Variants in FYB1 observed in about 807,000 individuals in gnomAD.
The protein encoded by FYB1 is FYN-binding protein 1.
In FYB1, 41 loss-of-function variants were observed where a neutral mutation model predicts 94.1. The observed-to-expected ratio is 0.44, with a 90% CI of 0.34 to 0.57. The LOEUF (loss-of-function observed/expected upper bound fraction) is 0.57, where lower values mean the gene tolerates loss of function less well. FYB1 is among the 20% of genes least tolerant of loss of function. The pLI, the probability that FYB1 is intolerant of heterozygous loss-of-function variation, is 0.02. For missense variants in FYB1, 1,050 were observed against 976.8 expected (o/e 1.07, Z -1.00); for synonymous variants, 367 against 353.2 (o/e 1.04, Z -0.44).
At position 39,202,140 on chromosome 5, in the gene FYB1, C is replaced by A. The variant is rs1185282832; in HGVS notation, c.821G>T (p.Gly274Val). The A allele has an allele frequency of 6.2e-7, 1 of 1,613,976 alleles. No individual in the cohort carries two copies. The highest frequency in any genetic ancestry group is 1.1e-5 in the South Asian group (1 of 91,086). The change falls in exon 2 of 19, where the codon GGT (glycine) becomes GTT (valine). Residue 274 changes from glycine to valine, a missense_variant. By Grantham distance (109) the Gly-to-Val change is moderately radical. Transcript: ENST00000512982. The part of the protein sequence containing the change: ...LKPAASRGGP[G>V]LSKNGEEKKE... Reference sequence around the variant, plus strand: ...TTTTTCTTCACCATTTTTGGAGAGACCTGGGCCTCCCCTGCTCGCAGCAGG... The same window carrying A: ...TTTTTCTTCACCATTTTTGGAGAGAACTGGGCCTCCCCTGCTCGCAGCAGG...
intron 13 of FYB1, among the ~76,000 whole-genome samples, chr5:39,123,173 GT>G (rs1322160205): frequency 1.3e-5 from 2 of 152,160 alleles, no homozygotes; most frequent in African/African-American, 4.8e-5. Flanking sequence ...ATTTTAAGGA[GT>G]TATTACCATA....
chr5:39,137,862 C>T, intron 6 of FYB1, 142 bp from the exon 7 acceptor site: 2 of 1,058,982 alleles, frequency 1.9e-6, no homozygotes, highest in Non-Finnish European at 2.7e-6. Context: ...TTGTCAAAAT[C>T]CGGAATGTGT....
intron 2 of FYB1, among the ~76,000 whole-genome samples, chr5:39,176,137 G>GTTTTTTTTTTTTTTT (rs70982547): frequency 1.6e-5 from 1 of 61,640 alleles, no homozygotes; most frequent in Non-Finnish European, 3.3e-5. Context: ...TTTTTTTTCT[G>GTTTTTTTTTTTTTTT]TTTTTTTTTT....
intron 2 of FYB1, among the ~76,000 whole-genome samples, chr5:39,194,559 G>A (rs1206051190): frequency 6.6e-6 from 1 of 151,450 alleles, no homozygotes; most frequent in Non-Finnish European, 1.5e-5. Flanking sequence ...AGGAAGGAAG[G>A]AAGGAAAGAA....
chr5:39,263,865 C>T (rs1198770462), intron 1 of FYB1, among the ~76,000 whole-genome samples: 2 of 152,114 alleles, frequency 1.3e-5, no homozygotes, highest in Admixed American at 1.3e-4. Context: ...GTAGCCCTAC[C>T]CTCAAAATAT....
intron 2 of FYB1, among the ~76,000 whole-genome samples, chr5:39,196,442 G>A (rs696739): frequency 0.035 from 5,396 of 152,142 alleles, 318 homozygotes; most frequent in African/African-American, 0.12. Flanking sequence ...TGTTCAGCCC[G>A]CCTCGGCCTC....
intron 2 of FYB1, among the ~76,000 whole-genome samples, chr5:39,178,676 G>T (rs1745945774): frequency 6.6e-6 from 1 of 151,862 alleles, no homozygotes; most frequent in Non-Finnish European, 1.5e-5. Context: ...TTTTTTAACT[G>T]CAACAAGATT....
At chr5:39,222,581 T>C (rs1486174718), upstream of FYB1, among the ~76,000 whole-genome samples, 2 of 152,326 alleles carry the variant, frequency 1.3e-5, no homozygotes, top group East Asian at 1.9e-4. Context: ...TTTAAAAAAC[T>C]GAAAGTTTCA....
chr5:39,156,436 A>G (rs1344052853), intron 2 of FYB1, among the ~76,000 whole-genome samples: 1 of 152,220 alleles, frequency 6.6e-6, no homozygotes, highest in Non-Finnish European at 1.5e-5. Context: ...CAGCAAAACC[A>G]GAGGGAAGCA....
chr5:39,270,430 C>G (rs1434219191), intron 1 of FYB1: 3 of 659,974 alleles, frequency 4.5e-6, no homozygotes, highest in Non-Finnish European at 5.0e-6. Flanking sequence ...TTCATCAGCA[C>G]AAGGAAAAAG....
chr5:39,230,053 T>C (rs1259877328), intron 1 of FYB1, among the ~76,000 whole-genome samples: 3 of 152,100 alleles, frequency 2.0e-5, no homozygotes, highest in African/African-American at 7.2e-5. Context: ...CTTCCTATAG[T>C]GAGGTAGGCA....
intron 2 of FYB1, among the ~76,000 whole-genome samples, chr5:39,175,846 C>T (rs1001332845): frequency 2.0e-4 from 31 of 152,102 alleles, no homozygotes; most frequent in African/African-American, 6.3e-4. Flanking sequence ...CTAGTGAATG[C>T]TACTGGCTTC....
chr5:39,267,306 C>T (rs1435541999), intron 1 of FYB1, among the ~76,000 whole-genome samples: 1 of 152,100 alleles, frequency 6.6e-6, no homozygotes, highest in African/African-American at 2.4e-5. Context: ...TGTATTATCA[C>T]AGGGGCTTTA....
At chr5:39,199,227 A>G (rs990657531) in intron 2 of FYB1, among the ~76,000 whole-genome samples, 1 of 152,120 alleles carries the variant, frequency 6.6e-6, no homozygotes, top group African/African-American at 2.4e-5. Flanking sequence ...TTTTCTTTAT[A>G]TTGCTTATCC....
Position 39,202,549 on chromosome 5 carries a change from A to G in FYB1, c.412T>C (p.Ser138Pro). Residue 138 changes from serine to proline, a missense_variant, in exon 2 of 19, where the codon TCT (serine) becomes CCT (proline). Transcript: ENST00000512982. Reference protein sequence around the residue: ...TFPWPPGNKPSLHSVNQDHDL... With the variant: ...TFPWPPGNKPPLHSVNQDHDL... ...TGGTCTTGGTTTACACTGTGAAGAGATGGCTTGTTTCCAGGAGGCCAGGGA... is the reference window on the plus strand; with the variant it reads ...TGGTCTTGGTTTACACTGTGAAGAGGTGGCTTGTTTCCAGGAGGCCAGGGA... The G allele has an allele frequency of 2.5e-6, 4 of 1,613,864 alleles. No individual in the cohort carries two copies. Among genetic ancestry groups the G allele is most frequent in the Non-Finnish European group, 3.4e-6 (4 of 1,179,860 alleles).
At chr5:39,140,818 T>G (rs1249485208) in intron 4 of FYB1, among the ~76,000 whole-genome samples, 2 of 149,032 alleles carry the variant, frequency 1.3e-5, no homozygotes, top group East Asian at 3.9e-4. Context: ...AACATACTCT[T>G]TCTGTGAACT....
At chr5:39,172,498 G>T (rs1441567017) in intron 2 of FYB1, among the ~76,000 whole-genome samples, 4 of 152,092 alleles carry the variant, frequency 2.6e-5, no homozygotes, top group African/African-American at 9.7e-5. Context: ...GGGTACACAT[G>T]CAGGTTTGTT....
At chr5:39,109,309 CA>C (rs975441228) in intron 17 of FYB1, among the ~76,000 whole-genome samples, 4 of 152,018 alleles carry the variant, frequency 2.6e-5, no homozygotes, top group African/African-American at 9.7e-5. Context: ...GTCATTTATA[CA>C]ATAAACATTT....
At chr5:39,236,248 G>A (rs892503862) in intron 1 of FYB1, among the ~76,000 whole-genome samples, 6 of 151,960 alleles carry the variant, frequency 3.9e-5, no homozygotes, top group Non-Finnish European at 7.4e-5. Context: ...AAAATTTATC[G>A]GAGTAAATCC....
Sources: gnomAD v4.1 joint callset for allele counts (sites outside exome capture counted in the v4.1 genomes callset) on GRCh38, gnomAD v4.1.1 for gene constraint, MANE v1.5 for transcripts, NCBI Gene and HGNC (gene_info 2026-07-23, HGNC 2026-07-21) for gene names.